Variants in PCDHA12 observed in about 807,000 individuals in gnomAD.
The protein encoded by PCDHA12 is protocadherin alpha-12.
Under a neutral mutation model 60.0 loss-of-function variants are expected in PCDHA12, and 44 were observed. The observed-to-expected ratio is 0.73, with a 90% CI of 0.58 to 0.94. The LOEUF is 0.94. Ranked by LOEUF, PCDHA12 falls within the 40% of genes least tolerant of loss-of-function variation. The probability of loss-of-function intolerance (pLI) is 0.00; values close to 1 mark genes in which losing one functional copy is unlikely to be tolerated. For synonymous variants in PCDHA12, 569 were observed against 553.0 expected, an observed-to-expected ratio of 1.03 and a Z score of -0.40; for missense variants, 1,276 against 1,239.7, an observed-to-expected ratio of 1.03 and a Z score of -0.44.
chr5:140,936,545 G>A (rs1456098221), intron 1 of PCDHA12, among the ~76,000 whole-genome samples: 1 of 152,202 alleles, frequency 6.6e-6, no homozygotes, highest in African/African-American at 2.4e-5. Context: ...ATAGTGCAAT[G>A]TAGAAGTCAA....
intron 1 of PCDHA12, chr5:140,928,859 T>G (rs782758888): frequency 1.2e-6 from 2 of 1,614,176 alleles, no homozygotes; most frequent in Non-Finnish European, 1.7e-6. Flanking sequence ...GGTGTGCTGT[T>G]GAGCAACTCT....
At chr5:141,004,657 G>A (rs565994909) in intron 3 of PCDHA12, among the ~76,000 whole-genome samples, 1 of 152,262 alleles carries the variant, frequency 6.6e-6, no homozygotes, top group Admixed American at 6.5e-5. Context: ...TGGGCTCTGA[G>A]GGCAACTAAA....
rs1554167711 is a variant in PCDHA12 at position 140,875,504 on chromosome 5, C to G, written c.32C>G (p.Ser11Cys). 2 of 1,613,462 alleles carry G rather than the reference C, an allele frequency of 1.2e-6. No homozygotes were observed. The highest frequency in any genetic ancestry group is 2.7e-5 in the African/African-American group (2 of 74,926). ...ATTATCGGACCAAGAGGCCCGGGAT[C>G]CCAGCGTCTGCTGCTCTCGCTTCTG... is the stretch of plus-strand genomic sequence containing the variant. MVIIGPRGPG[S>C]QRLLLSLLLL... Residue 11 changes from serine (S) to cysteine (C), a missense_variant, in exon 1 of 4, where the codon TCC becomes TGC. By Grantham distance (112) the Ser-to-Cys change is moderately radical. Coordinates refer to ENST00000398631, the MANE Select transcript of PCDHA12 (RefSeq NM_018903.4).
At chr5:140,991,247 T>C (rs1211585397) in intron 3 of PCDHA12, among the ~76,000 whole-genome samples, 1 of 152,200 alleles carries the variant, frequency 6.6e-6, no homozygotes, top group Non-Finnish European at 1.5e-5. Flanking sequence ...AAAGGCAGTA[T>C]TTGAACTCAT....
At chr5:141,009,529 T>G in intron 3 of PCDHA12, 98 bp from the exon 4 acceptor site, 1 of 1,505,630 alleles carries the variant, frequency 6.6e-7, no homozygotes, top group Non-Finnish European at 8.9e-7. Context: ...TCTGGGGAGG[T>G]TCAGCCTGCC....
intron 1 of PCDHA12, among the ~76,000 whole-genome samples, chr5:140,887,455 A>T (rs1334702818): frequency 6.6e-6 from 1 of 152,134 alleles, no homozygotes; most frequent in Non-Finnish European, 1.5e-5. Flanking sequence ...ACAGTTTTTT[A>T]AAAGATATAA....
At chr5:140,960,548 A>G (rs73793541) in intron 1 of PCDHA12, among the ~76,000 whole-genome samples, 2,047 of 152,290 alleles carry the variant, frequency 0.013, 37 homozygotes, top group African/African-American at 0.047. Context: ...TGGCCTTCAT[A>G]TAGACTGAGC....
intron 1 of PCDHA12, chr5:140,883,169 G>C (rs1554177001): frequency 6.2e-7 from 1 of 1,613,950 alleles, no homozygotes; most frequent in Admixed American, 1.7e-5. Flanking sequence ...GAACAATGGA[G>C]AAATTAGGAC....
At chr5:140,896,318 C>T (rs1036368074) in intron 1 of PCDHA12, among the ~76,000 whole-genome samples, 8 of 152,150 alleles carry the variant, frequency 5.3e-5, no homozygotes, top group African/African-American at 1.9e-4. Flanking sequence ...AACTGCTTTC[C>T]ACAGTGGCTA....
At chr5:140,966,697 G>T (rs2096039921) in intron 1 of PCDHA12, 1 of 1,363,184 alleles carries the variant, frequency 7.3e-7, no homozygotes, top group Admixed American at 3.6e-5. Context: ...GCGGGGCCCG[G>T]GCGTGGGGCA....
intron 1 of PCDHA12, chr5:140,968,357 C>T: frequency 6.2e-7 from 1 of 1,614,080 alleles, no homozygotes; most frequent in Non-Finnish European, 8.5e-7. Context: ...CAGTGGCAGC[C>T]TTTATGCTGT....
intron 3 of PCDHA12, among the ~76,000 whole-genome samples, chr5:140,984,282 C>T (rs543279467): frequency 6.6e-6 from 1 of 152,296 alleles, no homozygotes; most frequent in Admixed American, 6.5e-5. Flanking sequence ...ATACATTCTC[C>T]CTCCCATTGG....
At chr5:141,007,306 T>C (rs1050571899) in intron 3 of PCDHA12, among the ~76,000 whole-genome samples, 8 of 151,500 alleles carry the variant, frequency 5.3e-5, no homozygotes, top group Admixed American at 3.3e-4. Context: ...ATCTTAGCAT[T>C]TTGGGAGGCT....
In PCDHA12 at chr5:140,927,522, A is replaced by G. The variant is rs1292484442; in HGVS notation, c.2367+49683A>G. On this transcript the variant is annotated intron_variant, in intron 1 of 3. Coordinates refer to ENST00000398631, the MANE Select transcript of PCDHA12 (RefSeq NM_018903.4). ...TGCTTACAGCTCGGGACGGCGGGCT[A>G]CCTGCCCGCTCAGGAGACGCACAAG... 5.6e-6 allele frequency: 9 copies of G among 1,614,088 alleles called. No homozygotes were observed. In the South Asian group the frequency reaches 9.9e-5, roughly 18 times the overall value.
chr5:140,987,035 G>A (rs992580023), intron 3 of PCDHA12, among the ~76,000 whole-genome samples: 2 of 151,946 alleles, frequency 1.3e-5, no homozygotes, highest in African/African-American at 4.8e-5. Flanking sequence ...TCAACATGGC[G>A]AAACCCCATC....
intron 3 of PCDHA12, among the ~76,000 whole-genome samples, chr5:140,999,235 T>C (rs1407252981): frequency 6.6e-6 from 1 of 152,154 alleles, no homozygotes; most frequent in Non-Finnish European, 1.5e-5. Context: ...GAATAGGTGG[T>C]TAAAGTGGGA....
chr5:140,894,096 C>T (rs1487747692), intron 1 of PCDHA12, among the ~76,000 whole-genome samples: 3 of 152,098 alleles, frequency 2.0e-5, no homozygotes, highest in African/African-American at 7.2e-5. Flanking sequence ...TCTTCTAGCT[C>T]CTGGTGTTGC....
intron 1 of PCDHA12, among the ~76,000 whole-genome samples, chr5:140,933,174 A>G (rs1400055066): frequency 2.0e-5 from 3 of 151,742 alleles, no homozygotes; most frequent in Non-Finnish European, 3.0e-5. Context: ...AATTGATGGC[A>G]TAAGATAATG....
intron 1 of PCDHA12, among the ~76,000 whole-genome samples, chr5:140,948,234 T>G (rs1011132417): frequency 6.6e-6 from 1 of 151,670 alleles, no homozygotes; most frequent in African/African-American, 2.4e-5. Flanking sequence ...TTAACTTGTA[T>G]TTTAGTAAAT....
Sources: allele counts gnomAD v4.1 joint callset (sites outside exome capture counted in the v4.1 genomes callset), GRCh38; gene constraint gnomAD v4.1.1; transcripts MANE v1.5; gene names NCBI Gene and HGNC (gene_info 2026-07-23, HGNC 2026-07-21).